The following ABL1 variants were observed in gnomAD, a reference collection of about 807,000 sequenced individuals.
ABL1 encodes tyrosine-protein kinase ABL1.
In ABL1, 11 loss-of-function variants were observed where a neutral mutation model predicts 94.7. The observed-to-expected ratio is 0.12, with a 90% CI of 0.07 to 0.19. The LOEUF (loss-of-function observed/expected upper bound fraction) is 0.19, where lower values mean the gene tolerates loss of function less well. ABL1 is among the 10% of genes least tolerant of loss of function. The probability of loss-of-function intolerance (pLI) is 1.00; values close to 1 mark genes in which losing one functional copy is unlikely to be tolerated. For synonymous variants in ABL1, 656 were observed against 622.4 expected, an observed-to-expected ratio of 1.05 and a Z score of -0.80; for missense variants, 1,082 against 1,489.4, an observed-to-expected ratio of 0.73 and a Z score of 4.50.
chr9:130,764,104 G>A (rs549008062), intron 1 of ABL1, among the ~76,000 whole-genome samples: 41 of 152,288 alleles, frequency 2.7e-4, no homozygotes, highest in African/African-American at 8.7e-4. Context: ...GGTCCTGAGT[G>A]GGAAGGCACT....
chr9:130,880,267 T>C lies in ABL1; in HGVS notation c.1513+110T>C. ...TGGTGAAAGTTCACAGACCAGCCTG[T>C]CCTGAGACCAGAAAGCTGGGCAGAG... On this transcript the variant is annotated intron_variant, in intron 9 of 10. Transcript: ENST00000318560. This position sits in a 1 kb window ranked among gnomAD's most constrained non-coding sequence, Gnocchi z 4.4. 2 of 1,262,378 alleles carry C rather than the reference T, an allele frequency of 1.6e-6. No homozygotes were observed. Among genetic ancestry groups the C allele is most frequent in the Admixed American group, 1.7e-5 (1 of 57,350 alleles). 78.2% of individuals were successfully genotyped at this position (1,262,378 alleles called of 1,614,324 possible).
chr9:130,808,260 T>C (rs1356737984), intron 1 of ABL1, among the ~76,000 whole-genome samples: 1 of 148,688 alleles, frequency 6.7e-6, no homozygotes, highest in African/African-American at 2.5e-5. Flanking sequence ...TTTTTTTTTT[T>C]TGAAATGGAG....
intron 1 of ABL1, among the ~76,000 whole-genome samples, chr9:130,748,026 C>T (rs1360635544): frequency 6.6e-6 from 1 of 152,164 alleles, no homozygotes; most frequent in Admixed American, 6.5e-5. Flanking sequence ...CACCCTTGAA[C>T]GCCAGAATTC....
chr9:130,757,296 C>T (rs1015758173), intron 1 of ABL1, among the ~76,000 whole-genome samples: 2 of 152,124 alleles, frequency 1.3e-5, no homozygotes, highest in Non-Finnish European at 2.9e-5. Context: ...CACAGTGGCT[C>T]ATGTCTGTAA....
intron 1 of ABL1, among the ~76,000 whole-genome samples, chr9:130,853,275 A>G (rs1830907675): frequency 7.1e-6 from 1 of 140,546 alleles, no homozygotes; most frequent in Non-Finnish European, 1.5e-5. Flanking sequence ...TCCCAGGTTC[A>G]AGCAATTCTC....
At chr9:130,756,154 A>G (rs549960400) in intron 1 of ABL1, among the ~76,000 whole-genome samples, 1 of 152,178 alleles carries the variant, frequency 6.6e-6, no homozygotes, top group African/African-American at 2.4e-5. Context: ...ACAAATCCAA[A>G]TGCTGTGGTA....
At chr9:130,737,411 G>A (rs767978571) in intron 1 of ABL1, among the ~76,000 whole-genome samples, 7 of 151,514 alleles carry the variant, frequency 4.6e-5, no homozygotes, top group African/African-American at 1.5e-4. Context: ...GGGACTACAC[G>A]TGTGCACTAC....
rs541952420 is a variant in ABL1, at chr9:130,739,038, G to A, written c.136+24583G>A. On this transcript the variant is annotated intron_variant, in intron 1 of 10. Transcript: ENST00000372348. ...GCGGGGAGCCACCCGCTACAGGCGC[G>A]TGCCACCATGCCCGGCTAATTTTTG... 2.6e-5 allele frequency among the ~76,000 whole-genome samples: 4 copies of A among 152,210 alleles called. No homozygotes were observed. In the South Asian group the frequency reaches 6.2e-4, roughly 24 times the overall value.
chr9:130,848,942 GAAA>G (rs879454644), intron 1 of ABL1, among the ~76,000 whole-genome samples: 11 of 139,922 alleles, frequency 7.9e-5, no homozygotes, highest in African/African-American at 2.9e-4. Flanking sequence ...TCCGTCTCGA[GAAA>G]AAAAAAAAAG....
At chr9:130,865,176 T>G (rs146269612) in intron 4 of ABL1, among the ~76,000 whole-genome samples, 118 of 152,364 alleles carry the variant, frequency 7.7e-4, no homozygotes, top group Admixed American at 1.3e-3. Flanking sequence ...CTAATAATTT[T>G]TCCCAAGAGC....
intron 10 of ABL1, among the ~76,000 whole-genome samples, chr9:130,883,153 C>G (rs929595262): frequency 6.6e-6 from 1 of 152,108 alleles, no homozygotes; most frequent in Non-Finnish European, 1.5e-5. Flanking sequence ...AGGTGAAGCA[C>G]GTGTCACGCT....
At chr9:130,753,666 T>C (rs992163357) in intron 1 of ABL1, among the ~76,000 whole-genome samples, 2 of 151,540 alleles carry the variant, frequency 1.3e-5, no homozygotes, top group Non-Finnish European at 2.9e-5. Context: ...CCTCAAGTTA[T>C]CCACCCACTT....
At chr9:130,729,666 G>T (rs1034321815) in intron 1 of ABL1, among the ~76,000 whole-genome samples, 1 of 152,074 alleles carries the variant, frequency 6.6e-6, no homozygotes, top group African/African-American at 2.4e-5. Flanking sequence ...CCATACAGTT[G>T]TTTAGGACAA....
At chr9:130,828,947 A>G (rs1241892025) in intron 1 of ABL1, among the ~76,000 whole-genome samples, 1 of 152,236 alleles carries the variant, frequency 6.6e-6, no homozygotes, top group African/African-American at 2.4e-5. Flanking sequence ...ATGAAAGGCC[A>G]TATCATTGTG....
At chr9:130,820,862 T>C (rs1830351177) in intron 1 of ABL1, among the ~76,000 whole-genome samples, 1 of 152,198 alleles carries the variant, frequency 6.6e-6, no homozygotes. Context: ...AAATTTACCA[T>C]TTGAATGTTC....
At chr9:130,715,379 T>C (rs1274264464) in intron 1 of ABL1, among the ~76,000 whole-genome samples, 1 of 152,242 alleles carries the variant, frequency 6.6e-6, no homozygotes, top group African/African-American at 2.4e-5. Flanking sequence ...AGTGTGCCAG[T>C]GGCTTATACT....
At chr9:130,803,098 G>A (rs1412863750) in intron 1 of ABL1, among the ~76,000 whole-genome samples, 1 of 152,148 alleles carries the variant, frequency 6.6e-6, no homozygotes, top group Non-Finnish European at 1.5e-5. Flanking sequence ...GGAGTGCAAT[G>A]GCGCGATCTC....
intron 1 of ABL1, among the ~76,000 whole-genome samples, chr9:130,847,986 CG>C (rs1554768181): frequency 1.3e-5 from 2 of 152,116 alleles, no homozygotes; most frequent in Non-Finnish European, 2.9e-5. Context: ...AATCCAGATG[CG>C]GCAGAATGTT....
rs1737640417 is a variant in ABL1, at chr9:130,775,394, G to C, written c.136+60939G>C. Among the ~76,000 whole-genome samples the C allele has an allele frequency of 2.6e-5, 4 of 152,172 alleles. No individual in the cohort carries two copies. In the South Asian group the frequency reaches 8.3e-4, roughly 32 times the overall value. ...ATTTAAAGAAATAAAATGTGAAATA[G>C]AAAACAAGTAAGGACTAAAATCCTA... On this transcript the variant is annotated intron_variant, in intron 1 of 10. Coordinates refer to the ABL1 transcript ENST00000372348.
Sources: allele counts gnomAD v4.1 joint callset (sites outside exome capture counted in the v4.1 genomes callset), GRCh38; gene constraint gnomAD v4.1.1; non-coding constraint Gnocchi (gnomAD v3.1); transcripts MANE v1.5; gene names NCBI Gene and HGNC (gene_info 2026-07-23, HGNC 2026-07-21).